The following RNF139 variants were observed in gnomAD, a reference collection of about 807,000 sequenced individuals.
The protein encoded by RNF139 is E3 ubiquitin-protein ligase RNF139.
RNF139 carries 15 observed loss-of-function variants against 49.5 expected under a neutral mutation model. The ratio of observed to expected loss-of-function variants is 0.30; its 90% CI spans 0.20 to 0.47. The LOEUF (loss-of-function observed/expected upper bound fraction) is 0.47. Ranked by LOEUF, RNF139 falls within the 20% of genes least tolerant of loss-of-function variation. The pLI, the probability that RNF139 is intolerant of heterozygous loss-of-function variation, is 1.00. For missense variants in RNF139, 619 were observed against 806.3 expected, an observed-to-expected ratio of 0.77 and a Z score of 2.81; for synonymous variants, 325 against 300.9, an observed-to-expected ratio of 1.08 and a Z score of -0.83.
In RNF139 at chr8:124,486,422, G is replaced by T. The variant is rs757931552; in HGVS notation, c.773G>T (p.Arg258Met). 2.5e-6 allele frequency: 4 copies of T among 1,614,150 alleles called. No individual in the cohort carries two copies. The highest frequency in any genetic ancestry group is 3.4e-6 in the Non-Finnish European group (4 of 1,180,018). Reference sequence around the variant, plus strand: ...GCTACAGTGTTAATGTACATCTTAAGGATGGCAAATGAAACTGATTCCTTC... The same window carrying T: ...GCTACAGTGTTAATGTACATCTTAATGATGGCAAATGAAACTGATTCCTTC... ...AQATVLMYIL[R>M]MANETDSFFI... Residue 258 changes from arginine (R) to methionine (M), a missense_variant, in exon 2 of 2, where the codon AGG (arginine) becomes ATG (methionine). By Grantham distance (91) the Arg-to-Met change is moderately conservative. This residue lies in a region of RNF139 where 530 missense variants were observed against 728.9 expected (regional missense o/e 0.73). Transcript: ENST00000303545.
Position 124,487,108 on chromosome 8 carries a change from A to G in RNF139, c.1459A>G (p.Met487Val). 1 of 1,613,948 alleles carries G rather than the reference A, an allele frequency of 6.2e-7. No individual in the cohort carries two copies. The highest frequency in any genetic ancestry group is 8.5e-7 in the Non-Finnish European group (1 of 1,180,008). Residue 487 changes from methionine (M) to valine (V), a missense_variant, in exon 2 of 2, where the codon ATG becomes GTG. Physicochemically the swap from Met to Val is conservative, Grantham distance 21. This residue lies in a region of RNF139 where 530 missense variants were observed against 728.9 expected (regional missense o/e 0.73). Transcript: ENST00000303545. ...VVMFGNGAYT[M>V]MFESGSKIRA... ...AATGTTTGGAAATGGGGCTTACACTATGATGTTTGAGTCGGGAAGTAAAAT... is the reference window on the plus strand; with the variant it reads ...AATGTTTGGAAATGGGGCTTACACTGTGATGTTTGAGTCGGGAAGTAAAAT...
At chr8:124,477,661 A>G (rs747691255) in intron 1 of RNF139, among the ~76,000 whole-genome samples, 1 of 152,206 alleles carries the variant, frequency 6.6e-6, no homozygotes, top group African/African-American at 2.4e-5. Flanking sequence ...TGGAGATCCA[A>G]ATAAAATTCT....
In RNF139 at chr8:124,487,034, A is replaced by T; in HGVS notation, c.1385A>T (p.Tyr462Phe). 1.2e-6 allele frequency: 2 copies of T among 1,614,106 alleles called. No individual in the cohort carries two copies. The highest frequency in any genetic ancestry group is 3.3e-5 in the Admixed American group (2 of 60,020). The stretch of plus-strand genomic sequence containing the variant: ...TGGGAAAAGCTTGACGATTATGTCT[A>T]CTACGTTCGTTCAACAGGCAGTATT... ...VLWEKLDDYVYYVRSTGSIIE... is the reference protein window; with the variant it reads ...VLWEKLDDYVFYVRSTGSIIE... Residue 462 changes from tyrosine (Y) to phenylalanine (F), a missense_variant, in exon 2 of 2, where the codon TAC (tyrosine) becomes TTC (phenylalanine). By Grantham distance (22) the Tyr-to-Phe change is conservative. Around this residue, in one of 2 missense-constraint regions of RNF139, gnomAD observed 530 missense variants for 728.9 expected, o/e 0.73. Transcript: ENST00000303545.
Position 124,474,907 on chromosome 8 carries a change from C to CGCA in RNF139, c.-201_-200insAGC. ...AGACCTCCTGGGGAGCCGCCGCCGC[C>CGCA]GCCCTCTCGGCCATCGCTGCCTCCG... On this transcript the variant is annotated 5_prime_UTR_variant, in exon 1 of 2. Coordinates refer to ENST00000303545, the MANE Select transcript of RNF139 (RefSeq NM_007218.4). This position sits in a 1 kb window ranked among gnomAD's most constrained non-coding sequence, Gnocchi z 4.6. 1 of 334,068 alleles carries CGCA rather than the reference C, an allele frequency of 3.0e-6. No individual in the cohort carries two copies. The highest frequency in any genetic ancestry group is 5.3e-6 in the Non-Finnish European group (1 of 188,042). The allele number at this position is 334,068 out of a possible 1,614,324, so 20.7% of individuals were successfully genotyped here.
intron 1 of RNF139, among the ~76,000 whole-genome samples, chr8:124,480,017 A>G (rs1057379678): frequency 2.6e-5 from 4 of 152,100 alleles, no homozygotes; most frequent in East Asian, 1.9e-4. Flanking sequence ...CTGTAGTCCT[A>G]TCTTACTCAG....
At chr8:124,481,874 T>C (rs1255330697) in intron 1 of RNF139, among the ~76,000 whole-genome samples, 2 of 152,100 alleles carry the variant, frequency 1.3e-5, no homozygotes, top group Non-Finnish European at 2.9e-5. Flanking sequence ...GCAAAGGCCA[T>C]GAGAAAGATG....
Position 124,486,166 on chromosome 8 carries a change from C to G in RNF139, c.517C>G (p.His173Asp). Residue 173 changes from histidine to aspartate, a missense_variant, in exon 2 of 2, where the codon CAC becomes GAC. His to Asp is a moderately conservative substitution (Grantham distance 81, BLOSUM62 -1). Transcript: ENST00000303545. ...AGGCTTAATCACAGAGCTACCATTA[C>G]ACATCAGAGAGACTTTACTGTTTAC... is the stretch of plus-strand genomic sequence containing the variant. ...VIGLITELPLHIRETLLFTSS... is the reference protein window; with the variant it reads ...VIGLITELPLDIRETLLFTSS... 1 of 1,614,182 alleles carries G rather than the reference C, an allele frequency of 6.2e-7. No individual in the cohort carries two copies. The highest frequency in any genetic ancestry group is 8.5e-7 in the Non-Finnish European group (1 of 1,180,018).
rs772004846 is a variant in RNF139, at chr8:124,486,308, G to GATT, written c.661_663dup (p.Leu221dup). 1 of 1,614,066 alleles carries GATT rather than the reference G, an allele frequency of 6.2e-7. No homozygotes were observed. The highest frequency in any genetic ancestry group is 8.5e-7 in the Non-Finnish European group (1 of 1,179,996). ...GTGAGGCACATGTATCGAATTTACG[G>GATT]ATTACAGTTATTGATGGAGGACACA... On this transcript the variant is annotated inframe_insertion, in exon 2 of 2. Transcript: ENST00000303545.
chr8:124,477,755 A>G (rs190228492), intron 1 of RNF139, among the ~76,000 whole-genome samples: 4 of 152,260 alleles, frequency 2.6e-5, no homozygotes, highest in African/African-American at 9.6e-5. Flanking sequence ...CCAGAGCAGC[A>G]TAATGCTGAG....
At position 124,487,589 on chromosome 8, in the gene RNF139, G is replaced by C. The variant is rs1428400956; in HGVS notation, c.1940G>C (p.Gly647Ala). Residue 647 changes from glycine to alanine, a missense_variant, in exon 2 of 2, where the codon GGA becomes GCA. Gly to Ala is a moderately conservative substitution (Grantham distance 60, BLOSUM62 0). Around this residue, in one of 2 missense-constraint regions of RNF139, gnomAD observed 530 missense variants for 728.9 expected, o/e 0.73. Coordinates refer to ENST00000303545, the MANE Select transcript of RNF139 (RefSeq NM_007218.4). ...GATGATGTTCAAAGAGAAAGAAATG[G>C]AGTGATTCAGCACACAGGCGCAGCA... Reference protein sequence around the residue: ...CDDDVQRERNGVIQHTGAAAE... With the variant: ...CDDDVQRERNAVIQHTGAAAE... 6.2e-7 allele frequency: 1 copy of C among 1,613,854 alleles called. No homozygotes were observed. The highest frequency in any genetic ancestry group is 1.1e-5 in the South Asian group (1 of 91,046).
rs1237651127 is a variant in RNF139, at chr8:124,487,858, A to G, written c.*214A>G. On this transcript the variant is annotated 3_prime_UTR_variant, in exon 2 of 2. Transcript: ENST00000303545. ...TGGTGACCTGTTTAAATTTGTGTAC[A>G]TTATTGTACATAGAATAAAATGTTT... 2 of 479,980 alleles carry G rather than the reference A, an allele frequency of 4.2e-6. No individual in the cohort carries two copies. The highest frequency in any genetic ancestry group is 7.3e-6 in the Non-Finnish European group (2 of 274,048). The allele number at this position is 479,980 out of a possible 1,614,324, so 29.7% of individuals were successfully genotyped here.
chr8:124,476,821 T>C lies in RNF139; in HGVS notation c.181+1531T>C, dbSNP rs75798431. Among the ~76,000 whole-genome samples the C allele has an allele frequency of 1.3e-3, 192 of 152,362 alleles. 1 individual carries two copies. Among genetic ancestry groups the C allele is most frequent in the African/African-American group, 4.3e-3 (180 of 41,590 alleles). ...CCTGGTGCTTTAATGCAGTAGTCTG[T>C]TGAGCTTCAGGTTAGGCAGCTTCAA... is the stretch of plus-strand genomic sequence containing the variant. On this transcript the variant is annotated intron_variant, in intron 1 of 1. Transcript: ENST00000303545.
chr8:124,483,107 A>ATATTATTTAAATATATATAT (rs1403803842), intron 1 of RNF139, among the ~76,000 whole-genome samples: 1 of 1,916 alleles, frequency 5.2e-4, no homozygotes, highest in African/African-American at 5.4e-3. Context: ...AAATATATAT[A>ATATTATTTAAATATATATAT]TTAAAAATAT....
rs1785846353 is a variant in RNF139 at position 124,487,810 on chromosome 8, T to G, written c.*166T>G. On this transcript the variant is annotated 3_prime_UTR_variant, in exon 2 of 2. Transcript: ENST00000303545. The stretch of plus-strand genomic sequence containing the variant: ...TGTGATGTGCTACTGTAAATATACC[T>G]CTTTAATTACTTCTGGTCTCTTTGG... 1.5e-5 allele frequency: 9 copies of G among 618,344 alleles called. No homozygotes were observed. The highest frequency in any genetic ancestry group is 2.5e-5 in the Non-Finnish European group (9 of 366,992). The allele number at this position is 618,344 out of a possible 1,614,324, so 38.3% of individuals were successfully genotyped here.
chr8:124,482,216 A>T (rs1816425978), intron 1 of RNF139, among the ~76,000 whole-genome samples: 1 of 152,114 alleles, frequency 6.6e-6, no homozygotes, highest in African/African-American at 2.4e-5. Flanking sequence ...ATAAAGCAAA[A>T]TGGCACTTTT....
At position 124,486,998 on chromosome 8, in the gene RNF139, A is replaced by T; in HGVS notation, c.1349A>T (p.Tyr450Phe). The change falls in exon 2 of 2, where the codon TAT becomes TTT. Residue 450 changes from tyrosine to phenylalanine, a missense_variant. This residue lies in a region of RNF139 where 530 missense variants were observed against 728.9 expected (regional missense o/e 0.73). Coordinates refer to ENST00000303545, the MANE Select transcript of RNF139 (RefSeq NM_007218.4). ...VYTLFMIDGYYNVLWEKLDDY... is the reference protein window; with the variant it reads ...VYTLFMIDGYFNVLWEKLDDY... ...ACGTTATTCATGATTGATGGCTACT[A>T]TAATGTCCTCTGGGAAAAGCTTGAC... The T allele has an allele frequency of 6.8e-6, 11 of 1,614,086 alleles. No homozygotes were observed. The highest frequency in any genetic ancestry group is 9.3e-6 in the Non-Finnish European group (11 of 1,179,996).
At chr8:124,478,951 C>G (rs1025437216) in intron 1 of RNF139, among the ~76,000 whole-genome samples, 6 of 152,004 alleles carry the variant, frequency 3.9e-5, no homozygotes, top group African/African-American at 1.4e-4. Flanking sequence ...TCTCCAACTC[C>G]CGACCTCAGG....
Position 124,487,450 on chromosome 8 carries a change from G to A in RNF139, c.1801G>A (p.Val601Ile), listed in dbSNP as rs143124630. 10 of 1,614,014 alleles carry A rather than the reference G, an allele frequency of 6.2e-6. No homozygotes were observed. The South Asian group carries it at 9.9e-5, about 16-fold the overall frequency. ...AGATGATATCAAGGATAATTCAAAT[G>A]TATCTAACAACAATGGATTTATTCC... ...IEDDIKDNSN[V>I]SNNNGFIPPN... The change falls in exon 2 of 2, where the codon GTA becomes ATA. Residue 601 changes from valine (V) to isoleucine (I), a missense_variant. By Grantham distance (29) the Val-to-Ile change is conservative. This residue lies in a region of RNF139 where 530 missense variants were observed against 728.9 expected (regional missense o/e 0.73). Coordinates refer to ENST00000303545, the MANE Select transcript of RNF139 (RefSeq NM_007218.4).
chr8:124,480,298 A>G (rs909831126), intron 1 of RNF139, among the ~76,000 whole-genome samples: 1 of 151,842 alleles, frequency 6.6e-6, no homozygotes, highest in Non-Finnish European at 1.5e-5. Flanking sequence ...AAGCAAATAC[A>G]TAATGAAGAT....
Sources: gnomAD v4.1 joint callset for allele counts (sites outside exome capture counted in the v4.1 genomes callset) on GRCh38, gnomAD v4.1.1 for gene constraint, gnomAD v4.1.1 regional missense constraint, Gnocchi (gnomAD v3.1) non-coding constraint, MANE v1.5 for transcripts, NCBI Gene and HGNC (gene_info 2026-07-23, HGNC 2026-07-21) for gene names.